Variants in ASAH2B observed in about 807,000 individuals in gnomAD.
ASAH2B encodes putative inactive neutral ceramidase B.
In ASAH2B, 1 loss-of-function variant was observed where a neutral mutation model predicts 2.9. The ratio of observed to expected loss-of-function variants is 0.34; its 90% CI spans 0.12 to 1.63. The LOEUF (loss-of-function observed/expected upper bound fraction) is 1.63, where lower values mean the gene tolerates loss of function less well. Ranked by LOEUF, ASAH2B falls within the 40% of genes most tolerant of loss-of-function variation. The pLI is 0.36. For synonymous variants in ASAH2B, 4 were observed against 13.3 expected, an observed-to-expected ratio of 0.30 and a Z score of 1.52; for missense variants, 9 against 37.7, an observed-to-expected ratio of 0.24 and a Z score of 1.99.
rs185659688 is a variant in ASAH2B at position 50,747,337 on chromosome 10, C to T, written c.145-2006C>T. Reference sequence around the variant, plus strand: ...TCTGGGCTCCATTGGTCTATGTGTACCAATGGTGTGTTGATTACTTTAGGC... The same window carrying T: ...TCTGGGCTCCATTGGTCTATGTGTATCAATGGTGTGTTGATTACTTTAGGC... On this transcript the variant is annotated intron_variant, in intron 3 of 5. Coordinates refer to ENST00000647317, the MANE Select transcript of ASAH2B (RefSeq NM_001321958.2). Among the ~76,000 whole-genome samples, 187 of 151,294 alleles carry T rather than the reference C, an allele frequency of 1.2e-3. 4 individuals are homozygous for T. The East Asian group carries it at 0.034, about 27-fold the overall frequency.
intron 1 of ASAH2B, among the ~76,000 whole-genome samples, chr10:50,740,829 A>G (rs1030420716): frequency 6.6e-6 from 1 of 152,196 alleles, no homozygotes; most frequent in African/African-American, 2.4e-5. Context: ...AATCACTGGA[A>G]GGGTCTCTGT....
chr10:50,742,797 T>G, intron 1 of ASAH2B, 118 bp from the exon 2 acceptor site: 5 of 982,620 alleles, frequency 5.1e-6, no homozygotes, highest in Non-Finnish European at 8.0e-6. Flanking sequence ...ATCTTGAAGA[T>G]TGTGCCAGTT....
intron 1 of ASAH2B, among the ~76,000 whole-genome samples, chr10:50,741,654 C>A (rs1264629460): frequency 3.5e-4 from 53 of 151,998 alleles, no homozygotes; most frequent in Non-Finnish European, 2.9e-5. Flanking sequence ...CATTGATGGA[C>A]CACAATTAGT....
chr10:50,756,720 C>T lies in ASAH2B; in HGVS notation c.*1980C>T, dbSNP rs1423898804. 1.3e-5 allele frequency: 2 copies of T among 151,980 alleles called. No homozygotes were observed. Among genetic ancestry groups the T allele is most frequent in the African/African-American group, 4.8e-5 (2 of 41,430 alleles). 9.4% of individuals were successfully genotyped at this position (151,980 alleles called of 1,614,324 possible). A position where few individuals can be genotyped will look rare whatever the true frequency, so the allele number is the denominator to read the frequency against. Reference sequence around the variant, plus strand: ...AGAAACCTATTTTCTCACCAGCTGTCATTTCTTCTAGGGCATGCAGTTCTA... The same window carrying T: ...AGAAACCTATTTTCTCACCAGCTGTTATTTCTTCTAGGGCATGCAGTTCTA... On this transcript the variant is annotated 3_prime_UTR_variant, in exon 6 of 6. Coordinates refer to ENST00000647317, the MANE Select transcript of ASAH2B (RefSeq NM_001321958.2).
At position 50,759,129 on chromosome 10, in the gene ASAH2B, A is replaced by C. The variant is rs1276311514; in HGVS notation, c.*4389A>C. ...AAGAGTTGACAGTGAGGCAGCACCA[A>C]ACTTTACCTTCATAAATAGCAATTT... is the stretch of plus-strand genomic sequence containing the variant. On this transcript the variant is annotated 3_prime_UTR_variant, in exon 6 of 6. Transcript: ENST00000647317. 1 of 139,982 alleles carries C rather than the reference A, an allele frequency of 7.1e-6. No homozygotes were observed. The highest frequency in any genetic ancestry group is 2.5e-5 in the African/African-American group (1 of 40,708). The allele number at this position is 139,982 out of a possible 1,614,324, so 8.7% of individuals were successfully genotyped here. A position where few individuals can be genotyped will look rare whatever the true frequency, so the allele number is the denominator to read the frequency against.
chr10:50,754,081 T>G (rs1312400909), intron 5 of ASAH2B, among the ~76,000 whole-genome samples: 1 of 147,674 alleles, frequency 6.8e-6, no homozygotes, highest in Non-Finnish European at 1.5e-5. Flanking sequence ...TGCTCCTTAC[T>G]GTACCCTCAG....
At chr10:50,741,501 C>G (rs150266261) in intron 1 of ASAH2B, among the ~76,000 whole-genome samples, 1 of 152,200 alleles carries the variant, frequency 6.6e-6, no homozygotes, top group Admixed American at 6.5e-5. Context: ...CCAGCCCAGA[C>G]TGGGTATTTG....
chr10:50,755,645 T>C lies in ASAH2B; in HGVS notation c.*905T>C, dbSNP rs1588936339. The C allele has an allele frequency of 6.6e-6, 1 of 151,682 alleles. No homozygotes were observed. Among genetic ancestry groups the C allele is most frequent in the Non-Finnish European group, 1.5e-5 (1 of 67,770 alleles). The allele number at this position is 151,682 out of a possible 1,614,324, so 9.4% of individuals were successfully genotyped here. On this transcript the variant is annotated 3_prime_UTR_variant, in exon 6 of 6. Transcript: ENST00000647317. ...GGGAAAGCACTCCTCAAAGCAGAGG[T>C]TCTAAATTAATTTATCTGTTCTTTT...
intron 3 of ASAH2B, among the ~76,000 whole-genome samples, chr10:50,747,019 C>T: frequency 6.7e-6 from 1 of 148,220 alleles, no homozygotes. Flanking sequence ...TAATATGTGC[C>T]TGTTTTTGCT....
At position 50,756,567 on chromosome 10, in the gene ASAH2B, C is replaced by T. The variant is rs1837094436; in HGVS notation, c.*1827C>T. On this transcript the variant is annotated 3_prime_UTR_variant, in exon 6 of 6. Coordinates refer to ENST00000647317, the MANE Select transcript of ASAH2B (RefSeq NM_001321958.2). Reference sequence around the variant, plus strand: ...TGAATCAGTTTCCACTACCTCTATTCCTTCTATTGAAGCTTTCCTCAAATC... The same window carrying T: ...TGAATCAGTTTCCACTACCTCTATTTCTTCTATTGAAGCTTTCCTCAAATC... The T allele has an allele frequency of 6.6e-6, 1 of 151,980 alleles. No individual in the cohort carries two copies. Among genetic ancestry groups the T allele is most frequent in the South Asian group, 2.1e-4 (1 of 4,834 alleles). The allele number at this position is 151,980 out of a possible 1,614,324, so 9.4% of individuals were successfully genotyped here. A position where few individuals can be genotyped will look rare whatever the true frequency, so the allele number is the denominator to read the frequency against.
chr10:50,754,064 T>C (rs1482584190), intron 5 of ASAH2B, among the ~76,000 whole-genome samples: 1 of 145,440 alleles, frequency 6.9e-6, no homozygotes, highest in Non-Finnish European at 1.5e-5. Context: ...TGGGACCATA[T>C]CTATCTTGCT....
At chr10:50,740,820 A>G (rs1248046834) in intron 1 of ASAH2B, among the ~76,000 whole-genome samples, 18 of 152,184 alleles carry the variant, frequency 1.2e-4, no homozygotes, top group Admixed American at 1.2e-3. Flanking sequence ...TACCTCAGAA[A>G]TCACTGGAAG....
rs1837071133 is a variant in ASAH2B at position 50,755,596 on chromosome 10, T to C, written c.*856T>C. 1 of 151,798 alleles carries C rather than the reference T, an allele frequency of 6.6e-6. No individual in the cohort carries two copies. Among genetic ancestry groups the C allele is most frequent in the Non-Finnish European group, 1.5e-5 (1 of 67,826 alleles). The allele number at this position is 151,798 out of a possible 1,614,324, so 9.4% of individuals were successfully genotyped here. On this transcript the variant is annotated 3_prime_UTR_variant, in exon 6 of 6. Transcript: ENST00000647317. ...AAACCAGAAAGTTTTGCCATTAGCGTAGATATTAAAAATATTACTGGCTGG... is the reference window on the plus strand; with the variant it reads ...AAACCAGAAAGTTTTGCCATTAGCGCAGATATTAAAAATATTACTGGCTGG...
intron 1 of ASAH2B, among the ~76,000 whole-genome samples, chr10:50,740,412 C>T (rs1428547969): frequency 6.6e-6 from 1 of 152,194 alleles, no homozygotes; most frequent in Non-Finnish European, 1.5e-5. Flanking sequence ...GTGCCCAGCT[C>T]TCCTAACTCC....
chr10:50,754,636 A>G lies in ASAH2B; in HGVS notation c.379A>G (p.Arg127Gly). ...AGACACTGCCCAGCCTGGAATCTAC[A>G]GAATAAGATATTTTGGACACAATCG... ...IPDTAQPGIY[R>G]IRYFGHNRKQ... The change falls in exon 6 of 6, where the codon AGA becomes GGA. Residue 127 changes from arginine (R) to glycine (G), a missense_variant. Physicochemically the swap from Arg to Gly is moderately radical, Grantham distance 125. Coordinates refer to ENST00000647317, the MANE Select transcript of ASAH2B (RefSeq NM_001321958.2). 1 of 375,036 alleles carries G rather than the reference A, an allele frequency of 2.7e-6. No homozygotes were observed. Among genetic ancestry groups the G allele is most frequent in the Non-Finnish European group, 4.5e-6 (1 of 221,822 alleles). 23.2% of individuals were successfully genotyped at this position (375,036 alleles called of 1,614,324 possible).
chr10:50,744,792 T>C (rs1199970617), intron 2 of ASAH2B: 1 of 296,796 alleles, frequency 3.4e-6, no homozygotes, highest in South Asian at 4.8e-5. Flanking sequence ...CATGGTATAA[T>C]TATCTTTTTG....
chr10:50,749,295 GC>G (rs1839951091), intron 3 of ASAH2B, 47 bp from the exon 4 acceptor site: 2 of 361,990 alleles, frequency 5.5e-6, no homozygotes, highest in Non-Finnish European at 4.6e-6. Context: ...TATGAGTATA[GC>G]AAAAAAACCG....
At chr10:50,743,139 AT>A (rs1839858168) in intron 2 of ASAH2B, 129 bp downstream of exon 2, 1 of 917,884 alleles carries the variant, frequency 1.1e-6, no homozygotes, top group Admixed American at 2.3e-5. Flanking sequence ...GACAACCTTT[AT>A]ATTTTACAAA....
At position 50,741,957 on chromosome 10, in the gene ASAH2B, G is replaced by A. The variant is rs2820735; in HGVS notation, c.-99-958G>A. Among the ~76,000 whole-genome samples, 67 of 151,774 alleles carry A rather than the reference G, an allele frequency of 4.4e-4. No individual in the cohort carries two copies. The South Asian group carries it at 9.2e-3, about 21-fold the overall frequency. ...GTAATTAAGATCTGGGCAAGACATG[G>A]ACATGCACACTTGAGGGTGAAGGCT... is the stretch of plus-strand genomic sequence containing the variant. On this transcript the variant is annotated intron_variant, in intron 1 of 5. Coordinates refer to ENST00000647317, the MANE Select transcript of ASAH2B (RefSeq NM_001321958.2).
Sources: gnomAD v4.1 joint callset for allele counts (sites outside exome capture counted in the v4.1 genomes callset) on GRCh38, gnomAD v4.1.1 for gene constraint, MANE v1.5 for transcripts, NCBI Gene and HGNC (gene_info 2026-07-23, HGNC 2026-07-21) for gene names.